Variants in CNTN1 observed in about 807,000 individuals in gnomAD.
CNTN1 encodes contactin-1.
A neutral mutation model predicts 126.4 loss-of-function variants in CNTN1; 38 were observed. The observed-to-expected ratio is 0.30, with a 90% CI of 0.23 to 0.39. The LOEUF is 0.39. Among genes scored for constraint, CNTN1 ranks in the 10% least tolerant of loss-of-function variants. The pLI is 1.00. For synonymous variants in CNTN1, 413 were observed against 422.6 expected (o/e 0.98, Z 0.28); for missense variants, 1,009 against 1,248.4 (o/e 0.81, Z 2.89).
intron 1 of CNTN1, among the ~76,000 whole-genome samples, chr12:40,742,877 G>T (rs1938005811): frequency 6.6e-6 from 1 of 152,032 alleles, no homozygotes; most frequent in African/African-American, 2.4e-5. Context: ...TATTGGATGA[G>T]ACAATGATAC....
intron 1 of CNTN1, among the ~76,000 whole-genome samples, chr12:40,764,881 A>C (rs1474720019): frequency 6.6e-6 from 1 of 152,114 alleles, no homozygotes; most frequent in Non-Finnish European, 1.5e-5. Flanking sequence ...TAATTTACCA[A>C]CATTTGGGGA....
intron 1 of CNTN1, among the ~76,000 whole-genome samples, chr12:40,803,111 C>T (rs1302285335): frequency 6.6e-6 from 1 of 151,904 alleles, no homozygotes; most frequent in East Asian, 1.9e-4. Context: ...GGAAATTTTG[C>T]TCAACTTTAA....
chr12:40,925,765 A>G (rs1255868416), intron 6 of CNTN1, among the ~76,000 whole-genome samples: 2 of 142,484 alleles, frequency 1.4e-5, no homozygotes, highest in African/African-American at 5.1e-5. Flanking sequence ...CACCCTTTCA[A>G]TGAGAAAAAC....
At chr12:40,938,576 T>C (rs1198087299) in intron 11 of CNTN1, among the ~76,000 whole-genome samples, 3 of 152,168 alleles carry the variant, frequency 2.0e-5, no homozygotes, top group African/African-American at 7.2e-5. Context: ...CCTAATAGAT[T>C]TCAATTTTCT....
intron 1 of CNTN1, among the ~76,000 whole-genome samples, chr12:40,807,528 C>A (rs1266561207): frequency 6.6e-6 from 1 of 152,106 alleles, no homozygotes; most frequent in Non-Finnish European, 1.5e-5. Flanking sequence ...AAGGCCAAAG[C>A]CTCTCATTTT....
intron 1 of CNTN1, among the ~76,000 whole-genome samples, chr12:40,797,768 A>G (rs1020897324): frequency 1.3e-5 from 2 of 152,022 alleles, no homozygotes; most frequent in Non-Finnish European, 2.9e-5. Context: ...AAAGAATACA[A>G]TGGATTCGGT....
At chr12:40,926,601 T>C (rs1945702653) in intron 6 of CNTN1, among the ~76,000 whole-genome samples, 1 of 152,052 alleles carries the variant, frequency 6.6e-6, no homozygotes, top group African/African-American at 2.4e-5. Flanking sequence ...AAGGTGACTC[T>C]GGTTACTGTT....
At chr12:40,999,697 C>CTTTTTT (rs398019220) in intron 17 of CNTN1, among the ~76,000 whole-genome samples, 3 of 86,664 alleles carry the variant, frequency 3.5e-5, no homozygotes, top group Non-Finnish European at 6.3e-5. Flanking sequence ...TTCTTCTGTG[C>CTTTTTT]TTTTTTTTTT....
intron 1 of CNTN1, among the ~76,000 whole-genome samples, chr12:40,772,244 G>A (rs1609894): frequency 0.96 from 146,398 of 152,102 alleles, 70,698 homozygotes; most frequent in East Asian, 1. Flanking sequence ...TTTAAAGATA[G>A]ATTATTTTTT....
chr12:41,004,344 G>GTGTT (rs1566124056), intron 17 of CNTN1, among the ~76,000 whole-genome samples: 1 of 152,146 alleles, frequency 6.6e-6, no homozygotes, highest in East Asian at 1.9e-4. Flanking sequence ...TTTCTGAGGA[G>GTGTT]TGTTTTATTT....
rs150394166 is a variant in CNTN1 at position 40,899,234 on chromosome 12, T to C, written c.-76-9123T>C. Among the ~76,000 whole-genome samples the C allele has an allele frequency of 2.9e-4, 44 of 152,370 alleles. 1 individual carries two copies. In the South Asian group the frequency reaches 6.6e-3, roughly 23 times the overall value. On this transcript the variant is annotated intron_variant, in intron 1 of 23. Transcript: ENST00000551295. ...CAAAATTCTACTTTGGATCTAGATA[T>C]GATTCACAGGTATCACAAAGCATAT...
chr12:40,809,851 A>ACACAC (rs1206384993), intron 1 of CNTN1, among the ~76,000 whole-genome samples: 7 of 100,074 alleles, frequency 7.0e-5, no homozygotes, highest in Non-Finnish European at 1.1e-4. Flanking sequence ...CACACACACA[A>ACACAC]AAGTCAAAAC....
chr12:40,769,131 A>G (rs183436926), intron 1 of CNTN1, among the ~76,000 whole-genome samples: 16 of 152,246 alleles, frequency 1.1e-4, no homozygotes, highest in Non-Finnish European at 2.2e-4. Context: ...ACCATAGTGC[A>G]TCTGTGTGGA....
At chr12:40,982,066 A>G (rs1947834952) in intron 16 of CNTN1, among the ~76,000 whole-genome samples, 1 of 152,076 alleles carries the variant, frequency 6.6e-6, no homozygotes, top group South Asian at 2.1e-4. Context: ...ATTTAAATTT[A>G]CTTCTATTTG....
intron 23 of CNTN1, among the ~76,000 whole-genome samples, chr12:41,043,076 A>G (rs1190541367): frequency 6.6e-6 from 1 of 151,812 alleles, no homozygotes; most frequent in Non-Finnish European, 1.5e-5. Context: ...TTACCATTCA[A>G]GACATAGGCA....
intron 1 of CNTN1, among the ~76,000 whole-genome samples, chr12:40,818,327 T>A (rs1941322941): frequency 6.6e-6 from 1 of 152,188 alleles, no homozygotes; most frequent in Admixed American, 6.5e-5. Flanking sequence ...TTCAGTTTTT[T>A]TATGAAGTTC....
chr12:40,771,405 A>G (rs914085348), intron 1 of CNTN1, among the ~76,000 whole-genome samples: 6 of 152,086 alleles, frequency 3.9e-5, no homozygotes, highest in Non-Finnish European at 7.4e-5. Flanking sequence ...AAGTAAAATA[A>G]AGTCAATGTC....
intron 1 of CNTN1, among the ~76,000 whole-genome samples, chr12:40,731,271 T>C (rs917334559): frequency 3.3e-5 from 5 of 152,080 alleles, no homozygotes; most frequent in African/African-American, 1.2e-4. Context: ...ATATTTTGGG[T>C]GTTTTTTCCC....
At chr12:41,001,098 G>T (rs1355640937) in intron 17 of CNTN1, among the ~76,000 whole-genome samples, 1 of 152,150 alleles carries the variant, frequency 6.6e-6, no homozygotes, top group African/African-American at 2.4e-5. Context: ...GAATACTCAT[G>T]CATGGGTCTT....
Sources: gnomAD v4.1 joint callset for allele counts (sites outside exome capture counted in the v4.1 genomes callset) on GRCh38, gnomAD v4.1.1 for gene constraint, MANE v1.5 for transcripts, NCBI Gene and HGNC (gene_info 2026-07-23, HGNC 2026-07-21) for gene names.